The following FARS2 variants were observed in gnomAD, a reference collection of about 807,000 sequenced individuals.
FARS2 encodes phenylalanyl-tRNA synthetase 2, mitochondrial.
FARS2 carries 40 observed loss-of-function variants against 46.4 expected under a neutral mutation model. That is an observed-to-expected ratio of 0.86 (90% CI 0.67 to 1.12). FARS2 has a LOEUF of 1.12. FARS2 is among the 50% of genes most tolerant of loss of function. The probability of loss-of-function intolerance (pLI) is 0.00; values close to 1 mark genes in which losing one functional copy is unlikely to be tolerated. For synonymous variants in FARS2, 234 were observed against 214.9 expected (o/e 1.09, Z -0.78); for missense variants, 513 against 567.9 (o/e 0.90, Z 0.98).
intron 2 of FARS2, among the ~76,000 whole-genome samples, chr6:5,391,681 C>T (rs1486287439): frequency 6.6e-6 from 1 of 152,044 alleles, no homozygotes; most frequent in African/African-American, 2.4e-5. Flanking sequence ...CACTTTGCCA[C>T]TTGTAGGATT....
chr6:5,545,245 T>C lies in FARS2; in HGVS notation c.970T>C (p.Tyr324His), dbSNP rs1561701691. The C allele has an allele frequency of 1.2e-6, 2 of 1,614,088 alleles. No homozygotes were observed. Residue 324 changes from tyrosine to histidine, a missense_variant, in exon 5 of 7, where the codon TAC (tyrosine) becomes CAC (histidine). Transcript: ENST00000274680. ...ATTAGAAAGGCTAGCCATGATCCTC[T>C]ACGACATCCCTGATATCCGTCTCTT... Reference protein sequence around the residue: ...LGLERLAMILYDIPDIRLFWC... With the variant: ...LGLERLAMILHDIPDIRLFWC...
At chr6:5,456,744 A>AAAAAAAG (rs1554187511) in intron 4 of FARS2, among the ~76,000 whole-genome samples, 4 of 148,980 alleles carry the variant, frequency 2.7e-5, no homozygotes, top group African/African-American at 1.0e-4. Context: ...AAAAAAAAAA[A>AAAAAAAG]AAAAGAGATG....
At chr6:5,547,951 A>G (rs773033307) in intron 5 of FARS2, among the ~76,000 whole-genome samples, 4 of 152,242 alleles carry the variant, frequency 2.6e-5, no homozygotes, top group Non-Finnish European at 4.4e-5. Context: ...CTGCTGATAA[A>G]GATATACCCC....
At chr6:5,349,755 G>A (rs746765431) in intron 1 of FARS2, among the ~76,000 whole-genome samples, 1 of 152,034 alleles carries the variant, frequency 6.6e-6, no homozygotes, top group Non-Finnish European at 1.5e-5. Context: ...GGCTGTGACT[G>A]TTTCTTATAC....
chr6:5,396,938 T>C (rs1389016735), intron 2 of FARS2, among the ~76,000 whole-genome samples: 1 of 152,164 alleles, frequency 6.6e-6, no homozygotes, highest in Non-Finnish European at 1.5e-5. Flanking sequence ...TTTGATATCA[T>C]CCAGCCTAAG....
chr6:5,594,612 C>G (rs1028497205), intron 5 of FARS2, among the ~76,000 whole-genome samples: 4 of 152,150 alleles, frequency 2.6e-5, no homozygotes, highest in Non-Finnish European at 5.9e-5. Flanking sequence ...CAGCTCCCCA[C>G]CCTGGGGCTG....
At chr6:5,366,420 G>A (rs564499057) in intron 1 of FARS2, among the ~76,000 whole-genome samples, 1 of 152,240 alleles carries the variant, frequency 6.6e-6, no homozygotes, top group South Asian at 2.1e-4. Flanking sequence ...GATAGAAGTG[G>A]GAAGGCTCTC....
intron 6 of FARS2, among the ~76,000 whole-genome samples, chr6:5,689,069 G>A (rs1398166851): frequency 6.6e-6 from 1 of 152,042 alleles, no homozygotes; most frequent in African/African-American, 2.4e-5. Flanking sequence ...ATTTTTTATT[G>A]TGTCTATTTG....
At chr6:5,614,724 A>G (rs1003831649) in intron 6 of FARS2, among the ~76,000 whole-genome samples, 1 of 152,114 alleles carries the variant, frequency 6.6e-6, no homozygotes, top group Non-Finnish European at 1.5e-5. Context: ...TAAAGCATTC[A>G]TTCTCTAGAT....
chr6:5,461,159 C>T (rs972776022), intron 4 of FARS2, among the ~76,000 whole-genome samples: 2 of 152,028 alleles, frequency 1.3e-5, no homozygotes, highest in African/African-American at 4.8e-5. Context: ...CCACCTCAGC[C>T]TCCCGAGTAG....
intron 3 of FARS2, among the ~76,000 whole-genome samples, chr6:5,426,047 C>G (rs1466136242): frequency 2.0e-5 from 3 of 151,944 alleles, no homozygotes; most frequent in African/African-American, 7.3e-5. Context: ...AGTATACTTT[C>G]TTTTATGTGG....
rs1302689965 is a variant in FARS2 at position 5,384,826 on chromosome 6, T to G, written c.612+15644T>G. Among the ~76,000 whole-genome samples the G allele has an allele frequency of 2.0e-5, 3 of 151,144 alleles. No homozygotes were observed. The East Asian group carries it at 5.8e-4, about 29-fold the overall frequency. ...TTGTTTCTCAGCCACCAATGTATTT[T>G]TGTAGCATCTTTCACCACAGAATAC... On this transcript the variant is annotated intron_variant, in intron 2 of 6. Transcript: ENST00000274680.
chr6:5,518,702 A>G (rs1265633534), intron 4 of FARS2, among the ~76,000 whole-genome samples: 2 of 152,236 alleles, frequency 1.3e-5, no homozygotes, highest in Non-Finnish European at 1.5e-5. Flanking sequence ...TAGTGTTTCT[A>G]TTATTAGTAA....
At chr6:5,508,095 C>T (rs966680074) in intron 4 of FARS2, among the ~76,000 whole-genome samples, 3 of 152,180 alleles carry the variant, frequency 2.0e-5, no homozygotes, top group Admixed American at 1.3e-4. Flanking sequence ...TATTTTCTAG[C>T]ACTGCAATAT....
intron 2 of FARS2, among the ~76,000 whole-genome samples, chr6:5,371,996 T>C (rs1350862245): frequency 6.6e-6 from 1 of 151,986 alleles, no homozygotes; most frequent in Non-Finnish European, 1.5e-5. Flanking sequence ...CAAATAATTA[T>C]CAAAAGAAAG....
chr6:5,494,245 T>TA (rs1299909013), intron 4 of FARS2, among the ~76,000 whole-genome samples: 1 of 152,108 alleles, frequency 6.6e-6, no homozygotes, highest in East Asian at 1.9e-4. Context: ...TTTTAAAAAG[T>TA]AAAATTCTAT....
At chr6:5,307,497 A>T (rs931091740) in intron 1 of FARS2, among the ~76,000 whole-genome samples, 1 of 152,218 alleles carries the variant, frequency 6.6e-6, no homozygotes, top group African/African-American at 2.4e-5. Flanking sequence ...ACACGCGTGC[A>T]CACACACATG....
intron 6 of FARS2, among the ~76,000 whole-genome samples, chr6:5,617,486 G>C (rs930526238): frequency 1.3e-5 from 2 of 152,180 alleles, no homozygotes; most frequent in Admixed American, 6.5e-5. Context: ...CCCTGCCCCC[G>C]TCCTTCTGCC....
chr6:5,308,318 A>T (rs1048863723), intron 1 of FARS2, among the ~76,000 whole-genome samples: 3 of 152,200 alleles, frequency 2.0e-5, no homozygotes. Flanking sequence ...GCAAATCACC[A>T]AAGGGTTTGA....
Sources: gnomAD v4.1 joint callset for allele counts (sites outside exome capture counted in the v4.1 genomes callset) on GRCh38, gnomAD v4.1.1 for gene constraint, MANE v1.5 for transcripts, NCBI Gene and HGNC (gene_info 2026-07-23, HGNC 2026-07-21) for gene names.